Variants in CSTPP1 observed in about 807,000 individuals in gnomAD.
CSTPP1 encodes the protein centriolar satellite-associated tubulin polyglutamylase complex regulator 1.
the CSTPP1 span, among the ~76,000 whole-genome samples, chr11:47,120,087 A>G: frequency 1.3e-5 from 2 of 152,148 alleles, no homozygotes; most frequent in Non-Finnish European, 2.9e-5. This position sits in a 1 kb window ranked among gnomAD's most constrained non-coding sequence, Gnocchi z 4.2. Context: ...CACCTGAGCT[A>G]TTTAATTAAA....
the CSTPP1 span, among the ~76,000 whole-genome samples, chr11:46,952,531 AG>A: frequency 6.6e-6 from 1 of 152,182 alleles, no homozygotes; most frequent in African/African-American, 2.4e-5. Flanking sequence ...ACTCAAGGCA[AG>A]TTGTATTGTT....
the CSTPP1 span, among the ~76,000 whole-genome samples, chr11:46,945,748 A>G: frequency 3.3e-5 from 5 of 152,184 alleles, no homozygotes; most frequent in Non-Finnish European, 5.9e-5. Flanking sequence ...AAAGCCAGGC[A>G]TGAATATATG....
the CSTPP1 span, among the ~76,000 whole-genome samples, chr11:47,000,608 G>T: frequency 1.3e-5 from 2 of 152,102 alleles, no homozygotes; most frequent in African/African-American, 4.8e-5. Flanking sequence ...TTATTTTAAG[G>T]ATACGTGAGA....
At chr11:46,980,031 AC>A in the CSTPP1 span, among the ~76,000 whole-genome samples, 1 of 152,128 alleles carries the variant, frequency 6.6e-6, no homozygotes, top group African/African-American at 2.4e-5. Context: ...TTAAGCACTT[AC>A]CCTTAATTGA....
At chr11:47,000,137 T>C in the CSTPP1 span, among the ~76,000 whole-genome samples, 1 of 152,166 alleles carries the variant, frequency 6.6e-6, no homozygotes, top group African/African-American at 2.4e-5. Flanking sequence ...TATTTAGAGG[T>C]GCTACTCTAA....
the CSTPP1 span, chr11:47,159,822 T>A: frequency 2.5e-6 from 1 of 407,804 alleles, no homozygotes. Flanking sequence ...CTGGCCAACA[T>A]GGAGAAACCC....
At chr11:47,068,078 A>G in the CSTPP1 span, among the ~76,000 whole-genome samples, 2 of 152,180 alleles carry the variant, frequency 1.3e-5, no homozygotes, top group South Asian at 4.1e-4. Flanking sequence ...ACTTTAGTAT[A>G]AAAGAATAAA....
At chr11:47,063,225 AAT>A in the CSTPP1 span, among the ~76,000 whole-genome samples, 3 of 151,974 alleles carry the variant, frequency 2.0e-5, no homozygotes. Context: ...CTAGGTCTTA[AAT>A]ATATATATAT....
the CSTPP1 span, among the ~76,000 whole-genome samples, chr11:46,939,111 A>G: frequency 1.5e-4 from 14 of 94,362 alleles, no homozygotes; most frequent in African/African-American, 5.4e-4. Context: ...TTTTTTTGAG[A>G]TGGAGTTTCA....
At chr11:46,982,957 A>G in the CSTPP1 span, among the ~76,000 whole-genome samples, 1 of 152,190 alleles carries the variant, frequency 6.6e-6, no homozygotes, top group South Asian at 2.1e-4. Context: ...GAGATAAGGT[A>G]ACTTATATGA....
At chr11:46,940,646 C>CACATATATACATGAACATATATATAG in the CSTPP1 span, among the ~76,000 whole-genome samples, 6 of 151,682 alleles carry the variant, frequency 4.0e-5, no homozygotes, top group Non-Finnish European at 5.9e-5. Context: ...TATATATATA[C>CACATATATACATGAACATATATATAG]ACATATATAC....
chr11:46,979,676 G>A, the CSTPP1 span, among the ~76,000 whole-genome samples: 2 of 152,132 alleles, frequency 1.3e-5, no homozygotes, highest in African/African-American at 4.8e-5. Context: ...ACTTTGGGAG[G>A]CCAAGGCAGG....
the CSTPP1 span, among the ~76,000 whole-genome samples, chr11:47,101,481 C>G: frequency 6.6e-6 from 1 of 151,604 alleles, no homozygotes; most frequent in Non-Finnish European, 1.5e-5. Flanking sequence ...ATGAATTTCC[C>G]ATGTTACTTG....
the CSTPP1 span, among the ~76,000 whole-genome samples, chr11:47,005,805 TTAAA>T: frequency 1.1e-4 from 16 of 152,212 alleles, no homozygotes; most frequent in Non-Finnish European, 1.9e-4. Context: ...GTTGGAATGA[TTAAA>T]TGAGTTAATG....
At chr11:47,047,902 A>G in the CSTPP1 span, among the ~76,000 whole-genome samples, 1 of 152,264 alleles carries the variant, frequency 6.6e-6, no homozygotes, top group African/African-American at 2.4e-5. Context: ...ACACATGAAA[A>G]GATGCTCAAC....
chr11:46,939,672 A>ATAGG, the CSTPP1 span, among the ~76,000 whole-genome samples: 1 of 139,074 alleles, frequency 7.2e-6, no homozygotes, highest in African/African-American at 2.6e-5. Flanking sequence ...AGATAGATAG[A>ATAGG]TAGGTAGATG....
the CSTPP1 span, among the ~76,000 whole-genome samples, chr11:47,044,069 C>T: frequency 1.3e-5 from 2 of 151,996 alleles, no homozygotes; most frequent in Admixed American, 1.3e-4. Flanking sequence ...TCACTGCAAC[C>T]TCTGCCTCCC....
chr11:47,037,124 G>T, the CSTPP1 span, among the ~76,000 whole-genome samples: 1 of 127,126 alleles, frequency 7.9e-6, no homozygotes, highest in African/African-American at 2.5e-5. Flanking sequence ...TGTGTCAAAA[G>T]GACATAGAAG....
chr11:47,050,328 A>G, the CSTPP1 span, among the ~76,000 whole-genome samples: 1 of 152,178 alleles, frequency 6.6e-6, no homozygotes, highest in East Asian at 1.9e-4. Flanking sequence ...ATGAGTAACT[A>G]TCAGTTAGGT....
Sources: gnomAD v4.1 joint callset for allele counts (sites outside exome capture counted in the v4.1 genomes callset) on GRCh38, gnomAD v4.1.1 for gene constraint, Gnocchi (gnomAD v3.1) non-coding constraint, MANE v1.5 for transcripts, NCBI Gene and HGNC (gene_info 2026-07-23, HGNC 2026-07-21) for gene names.